LDLRAD4: variants seen among roughly 807,000 people sequenced by gnomAD.
LDLRAD4 encodes low-density lipoprotein receptor class A domain-containing protein 4.
LDLRAD4 carries 5 observed loss-of-function variants against 17.0 expected under a neutral mutation model. The ratio of observed to expected loss-of-function variants is 0.29; its 90% CI spans 0.15 to 0.62. The LOEUF (loss-of-function observed/expected upper bound fraction) is 0.62, where lower values mean the gene tolerates loss of function less well. Among genes scored for constraint, LDLRAD4 ranks in the 20% least tolerant of loss-of-function variants. LDLRAD4 has a pLI of 0.84. For missense variants in LDLRAD4, 340 were observed against 424.7 expected, an observed-to-expected ratio of 0.80 and a Z score of 1.75; for synonymous variants, 168 against 171.8, an observed-to-expected ratio of 0.98 and a Z score of 0.17.
chr18:13,469,998 G>GT (rs1354898931), intron 3 of LDLRAD4, among the ~76,000 whole-genome samples: 2 of 152,178 alleles, frequency 1.3e-5, no homozygotes, highest in African/African-American at 4.8e-5. Context: ...ACAATAAAAA[G>GT]TTAGAAAAAA....
chr18:13,616,083 C>T (rs1228660622), intron 3 of LDLRAD4: 1 of 152,216 alleles, frequency 6.6e-6, no homozygotes, highest in African/African-American at 2.4e-5. Context: ...CAGCCCACTC[C>T]TCCCCAACCC....
intron 3 of LDLRAD4, among the ~76,000 whole-genome samples, chr18:13,559,899 C>T (rs566938587): frequency 1.0e-4 from 7 of 68,012 alleles, no homozygotes; most frequent in Non-Finnish European, 2.0e-4. Context: ...CCAGACAGCA[C>T]TTTGCTGCCC....
intron 3 of LDLRAD4, among the ~76,000 whole-genome samples, chr18:13,483,636 G>A (rs1412259116): frequency 2.0e-5 from 3 of 152,146 alleles, no homozygotes; most frequent in African/African-American, 7.2e-5. Flanking sequence ...TGTGTTTGCC[G>A]GATGCTTACC....
At chr18:13,283,431 C>G (rs768335720) in intron 1 of LDLRAD4, among the ~76,000 whole-genome samples, 19 of 152,244 alleles carry the variant, frequency 1.2e-4, no homozygotes, top group Non-Finnish European at 2.8e-4. Context: ...CCTAAATCAT[C>G]TCTTTCAAGT....
At chr18:13,395,867 T>A (rs1312084971) in intron 2 of LDLRAD4, among the ~76,000 whole-genome samples, 2 of 152,088 alleles carry the variant, frequency 1.3e-5, no homozygotes, top group Non-Finnish European at 2.9e-5. Flanking sequence ...TCTGGTTCCT[T>A]ATATCCGGTT....
intron 3 of LDLRAD4, among the ~76,000 whole-genome samples, chr18:13,610,321 T>G: frequency 8.2e-6 from 1 of 121,550 alleles, no homozygotes; most frequent in East Asian, 2.9e-4. Flanking sequence ...GGAGTCTCAC[T>G]CTGTCGCCCA....
chr18:13,356,398 T>C (rs376324431), intron 1 of LDLRAD4, among the ~76,000 whole-genome samples: 1 of 152,240 alleles, frequency 6.6e-6, no homozygotes, highest in South Asian at 2.1e-4. Context: ...TGTAGCTTAT[T>C]TGAGAAAAAC....
chr18:13,611,807 G>A, intron 3 of LDLRAD4: 5 of 985,740 alleles, frequency 5.1e-6, no homozygotes, highest in Non-Finnish European at 6.0e-6. Flanking sequence ...GGAAAGGAGC[G>A]CGCAGTGTTT....
At chr18:13,611,591 A>C (rs1462779227) in intron 3 of LDLRAD4, 23 of 985,312 alleles carry the variant, frequency 2.3e-5, no homozygotes, top group Non-Finnish European at 2.8e-5. Flanking sequence ...CTCCTGAGAC[A>C]TGTCTCTGCT....
intron 3 of LDLRAD4, among the ~76,000 whole-genome samples, chr18:13,519,102 G>T (rs765695990): frequency 2.0e-5 from 3 of 152,220 alleles, no homozygotes; most frequent in Non-Finnish European, 2.9e-5. Context: ...AAATACTTTC[G>T]AAGTGGAAAC....
intron 2 of LDLRAD4, among the ~76,000 whole-genome samples, chr18:13,394,643 G>C (rs1356488547): frequency 1.3e-5 from 2 of 152,218 alleles, no homozygotes; most frequent in Non-Finnish European, 2.9e-5. Flanking sequence ...TCGTGATGGT[G>C]ACTGCTCATT....
chr18:13,275,840 G>A (rs2044832774), upstream of LDLRAD4, among the ~76,000 whole-genome samples: 2 of 152,168 alleles, frequency 1.3e-5, no homozygotes, highest in Admixed American at 1.3e-4. Context: ...AGGATGACGG[G>A]GATGTGGTTT....
chr18:13,264,612 C>T (rs1244861383), intron 1 of LDLRAD4, among the ~76,000 whole-genome samples: 2 of 152,256 alleles, frequency 1.3e-5, no homozygotes, highest in African/African-American at 2.4e-5. Flanking sequence ...TCCTGTGCTT[C>T]CTTCCCATGT....
intron 1 of LDLRAD4, among the ~76,000 whole-genome samples, chr18:13,290,891 G>T (rs73952334): frequency 0.012 from 1,891 of 152,320 alleles, 40 homozygotes; most frequent in African/African-American, 0.041. Flanking sequence ...TTCAACCCCA[G>T]TGAACAGACC....
Position 13,358,558 on chromosome 18 carries a change from A to C in LDLRAD4, c.-382-28783A>C, listed in dbSNP as rs189651171. Among the ~76,000 whole-genome samples the C allele has an allele frequency of 3.9e-3, 592 of 152,296 alleles. 1 individual carries two copies. The highest frequency in any genetic ancestry group is 0.013 in the African/African-American group (552 of 41,534). The stretch of plus-strand genomic sequence containing the variant: ...GATTTATCCCTAAAATGTGATAAAT[A>C]AAATTTATCCTATTTATCCCTCAAA... On this transcript the variant is annotated intron_variant, in intron 1 of 5. Coordinates refer to ENST00000359446, the Ensembl canonical transcript of LDLRAD4.
intron 3 of LDLRAD4, among the ~76,000 whole-genome samples, chr18:13,478,171 G>A (rs2092994623): frequency 6.6e-6 from 1 of 152,182 alleles, no homozygotes; most frequent in Non-Finnish European, 1.5e-5. Context: ...CTTGACTCGG[G>A]GTTGTCTGAG....
chr18:13,599,560 G>A (rs2095136254), intron 3 of LDLRAD4, among the ~76,000 whole-genome samples: 2 of 148,708 alleles, frequency 1.3e-5, no homozygotes, highest in South Asian at 2.1e-4. Context: ...GCGTGATCAC[G>A]GCTCACTGCA....
rs193295322 is a variant in LDLRAD4, at chr18:13,568,680, C to T, written c.182-52437C>T. ...GAAGAAAGGGAAGGCAGAATAAAAA[C>T]GAGTGCACTTCACGCCCCACATCAG... On this transcript the variant is annotated intron_variant, in intron 3 of 5. Transcript: ENST00000359446. Among the ~76,000 whole-genome samples, 46 of 152,304 alleles carry T rather than the reference C, an allele frequency of 3.0e-4. No individual in the cohort carries two copies. In the East Asian group the frequency reaches 5.0e-3, roughly 17 times the overall value.
intron 4 of LDLRAD4, among the ~76,000 whole-genome samples, chr18:13,625,838 CCCACCAGAGCCCTCCTCCCT>C (rs2041116054): frequency 7.2e-6 from 1 of 138,156 alleles, no homozygotes; most frequent in African/African-American, 2.8e-5. Flanking sequence ...CCCTCCTCCC[CCCACCAGAGCCCTCCTCCCT>C]CCACCAGCAA....
Sources: gnomAD v4.1 joint callset for allele counts (sites outside exome capture counted in the v4.1 genomes callset) on GRCh38, gnomAD v4.1.1 for gene constraint, MANE v1.5 for transcripts, NCBI Gene and HGNC (gene_info 2026-07-23, HGNC 2026-07-21) for gene names.